The following DIPK1B variants were observed in gnomAD, a reference collection of about 807,000 sequenced individuals.
DIPK1B encodes the protein divergent protein kinase domain 1B.
DIPK1B carries 17 observed loss-of-function variants against 20.7 expected under a neutral mutation model. The observed-to-expected ratio is 0.82, with a 90% CI of 0.56 to 1.23. DIPK1B has a LOEUF of 1.23. DIPK1B is among the 50% of genes most tolerant of loss of function. DIPK1B has a pLI of 0.00. For missense variants in DIPK1B, 648 were observed against 601.8 expected (o/e 1.08, Z -0.80); for synonymous variants, 343 against 276.5 (o/e 1.24, Z -2.39).
rs957193207 is a variant in DIPK1B, at chr9:136,724,293, C to T, written c.*519C>T. On this transcript the variant is annotated 3_prime_UTR_variant, in exon 5 of 5. Coordinates refer to ENST00000371692, the MANE Select transcript of DIPK1B (RefSeq NM_152421.4). The stretch of plus-strand genomic sequence containing the variant: ...CTGAAACAGTCAATGACCAGTACCC[C>T]CCAAACCTGGGCTGTGCACAACAGA... Among the ~76,000 whole-genome samples, 1 of 152,224 alleles carries T rather than the reference C, an allele frequency of 6.6e-6. No homozygotes were observed. The highest frequency in any genetic ancestry group is 1.5e-5 in the Non-Finnish European group (1 of 68,040).
At chr9:136,722,363 C>T (rs1253943783) in intron 4 of DIPK1B, 62 bp downstream of exon 4, 14 of 1,538,228 alleles carry the variant, frequency 9.1e-6, no homozygotes, top group South Asian at 3.6e-5. Flanking sequence ...GCCCAGCAGG[C>T]GGCCCTGGCA....
intron 4 of DIPK1B, 111 bp from the exon 5 acceptor site, chr9:136,722,851 G>A: frequency 8.9e-7 from 1 of 1,118,736 alleles, no homozygotes; most frequent in South Asian, 1.6e-5. Flanking sequence ...CCTGGCAGAT[G>A]TGCTGGTCTG....
chr9:136,724,347 CAG>C lies in DIPK1B; in HGVS notation c.*575_*576del, dbSNP rs1267805109. Reference sequence around the variant, plus strand: ...AGAAAAAGGTGTTCCAGTAAGAAAACAGATATATGCGGTATTTTAAAAACTGA... The same window carrying C: ...AGAAAAAGGTGTTCCAGTAAGAAAACATATATGCGGTATTTTAAAAACTGA... On this transcript the variant is annotated 3_prime_UTR_variant, in exon 5 of 5. Transcript: ENST00000371692. 6.6e-6 allele frequency among the ~76,000 whole-genome samples: 1 copy of C among 152,188 alleles called. No individual in the cohort carries two copies. The highest frequency in any genetic ancestry group is 1.5e-5 in the Non-Finnish European group (1 of 68,048).
chr9:136,713,197 C>T (rs931949032), intron 1 of DIPK1B, among the ~76,000 whole-genome samples: 20 of 152,304 alleles, frequency 1.3e-4, no homozygotes, highest in African/African-American at 2.9e-4. Flanking sequence ...CCACCGTCCC[C>T]TCCAGGGGCC....
chr9:136,717,465 C>T, intron 1 of DIPK1B, 112 bp from the exon 2 acceptor site: 2 of 1,286,494 alleles, frequency 1.6e-6, no homozygotes, highest in Non-Finnish European at 1.1e-6. Flanking sequence ...AAGGGGATGG[C>T]AGGGGAAGGC....
Position 136,722,188 on chromosome 9 carries a change from G to A in DIPK1B, c.370G>A (p.Asp124Asn), listed in dbSNP as rs749702467. Reference sequence around the variant, plus strand: ...CAAGTGTGGCATTGAGGAGACCCTCGACTCCAAGGCCCGGTCGGATGCGGC... The same window carrying A: ...CAAGTGTGGCATTGAGGAGACCCTCAACTCCAAGGCCCGGTCGGATGCGGC... ...TIKCGIEETL[D>N]SKARSDAAPR... The change falls in exon 4 of 5, where the codon GAC becomes AAC. Residue 124 changes from aspartate (D) to asparagine (N), a missense_variant. Coordinates refer to ENST00000371692, the MANE Select transcript of DIPK1B (RefSeq NM_152421.4). The A allele has an allele frequency of 1.9e-5, 31 of 1,613,902 alleles. No individual in the cohort carries two copies. In the East Asian group the frequency reaches 2.4e-4, roughly 13 times the overall value.
intron 4 of DIPK1B, 81 bp downstream of exon 4, chr9:136,722,382 C>T (rs1846621265): frequency 3.4e-6 from 5 of 1,474,680 alleles, no homozygotes; most frequent in Non-Finnish European, 4.6e-6. Context: ...CACCAACATG[C>T]CCAGCGCAAA....
chr9:136,723,642 G>T lies in DIPK1B; in HGVS notation c.1164G>T (p.Glu388Asp). 1 of 1,569,486 alleles carries T rather than the reference G, an allele frequency of 6.4e-7. No individual in the cohort carries two copies. The highest frequency in any genetic ancestry group is 8.6e-7 in the Non-Finnish European group (1 of 1,159,804). Residue 388 changes from glutamate (E) to aspartate (D), a missense_variant, in exon 5 of 5, where the codon GAG becomes GAT. Coordinates refer to ENST00000371692, the MANE Select transcript of DIPK1B (RefSeq NM_152421.4). ...GCGCGCCCGCCGACCTCCGCGAGGA[G>T]CTGGGCACACAGCTGCGCACCTGTA... Reference protein sequence around the residue: ...LPGAPADLREELGTQLRTCTT... With the variant: ...LPGAPADLREDLGTQLRTCTT...
Position 136,724,494 on chromosome 9 carries a change from C to G in DIPK1B, c.*720C>G, listed in dbSNP as rs1846672401. Among the ~76,000 whole-genome samples the G allele has an allele frequency of 6.6e-6, 1 of 152,226 alleles. No homozygotes were observed. The highest frequency in any genetic ancestry group is 1.5e-5 in the Non-Finnish European group (1 of 68,024). On this transcript the variant is annotated 3_prime_UTR_variant, in exon 5 of 5. Coordinates refer to ENST00000371692, the MANE Select transcript of DIPK1B (RefSeq NM_152421.4). ...GCCCAGGGCACCCAGCAACCATCCC[C>G]TAGGAGAACAGGCAAGGACCCTCGT...
At chr9:136,722,426 C>G in intron 4 of DIPK1B, 125 bp downstream of exon 4, 1 of 1,100,078 alleles carries the variant, frequency 9.1e-7, no homozygotes, top group Non-Finnish European at 1.3e-6. Context: ...CCTGGGCAGA[C>G]CTCCCATCCC....
intron 2 of DIPK1B, among the ~76,000 whole-genome samples, chr9:136,719,853 G>A (rs951368010): frequency 8.6e-5 from 13 of 152,022 alleles, no homozygotes; most frequent in South Asian, 2.1e-4. Flanking sequence ...CTGGGGCTCC[G>A]GGCACAGGGG....
At chr9:136,722,099 CGGA>C (rs1564310379) in intron 3 of DIPK1B, 23 bp from the exon 4 acceptor site, 2 of 1,613,634 alleles carry the variant, frequency 1.2e-6, no homozygotes, top group East Asian at 2.2e-5. Flanking sequence ...GATGTCTGCA[CGGA>C]GGACCTCTGT....
chr9:136,721,634 G>C, intron 2 of DIPK1B: 1 of 420,448 alleles, frequency 2.4e-6, no homozygotes, highest in Non-Finnish European at 4.4e-6. Flanking sequence ...TGTGGTGTGT[G>C]TCTCATGTCC....
rs750037040 is a variant in DIPK1B, at chr9:136,722,175, TGAG to T, written c.361_363del (p.Glu121del). The stretch of plus-strand genomic sequence containing the variant: ...AGGATGTAACCATCAAGTGTGGCAT[TGAG>T]GAGACCCTCGACTCCAAGGCCCGGT... On this transcript the variant is annotated inframe_deletion, in exon 4 of 5. Coordinates refer to ENST00000371692, the MANE Select transcript of DIPK1B (RefSeq NM_152421.4). 3.9e-5 allele frequency: 63 copies of T among 1,613,838 alleles called. 1 individual carries two copies. The South Asian group carries it at 6.5e-4, about 17-fold the overall frequency.
rs1846440887 is a variant in DIPK1B at position 136,712,651 on chromosome 9, C to T, written c.-15C>T. On this transcript the variant is annotated 5_prime_UTR_variant, in exon 1 of 5. Coordinates refer to ENST00000371692, the MANE Select transcript of DIPK1B (RefSeq NM_152421.4). The surrounding 1 kb of genome is among the most constrained non-coding windows in gnomAD (Gnocchi z 5.6). ...GCGAGCCGCGGGGCCCGCGCAGCCC[C>T]GGCCGGAGCCCACCATGCGGCGGCT... The T allele has an allele frequency of 1.6e-6, 2 of 1,225,176 alleles. No individual in the cohort carries two copies. Among genetic ancestry groups the T allele is most frequent in the African/African-American group, 3.2e-5 (2 of 62,282 alleles). 75.9% of individuals were successfully genotyped at this position (1,225,176 alleles called of 1,614,324 possible). A position where few individuals can be genotyped will look rare whatever the true frequency, so the allele number is the denominator to read the frequency against.
At position 136,716,522 on chromosome 9, in the gene DIPK1B, C is replaced by T. The variant is rs371072405; in HGVS notation, c.64-1055C>T. On this transcript the variant is annotated intron_variant, in intron 1 of 4. Transcript: ENST00000371692. ...AGCTCAAGCAAGCCACCCACCTCAG[C>T]CTCCCAAAGAGCTGGGATCACAGGG... Among the ~76,000 whole-genome samples the T allele has an allele frequency of 1.3e-3, 198 of 152,220 alleles. 2 individuals are homozygous for T. Among genetic ancestry groups the T allele is most frequent in the African/African-American group, 4.6e-3 (191 of 41,530 alleles).
chr9:136,712,738 G>A lies in DIPK1B; in HGVS notation c.63+10G>A, dbSNP rs930181132. 6.0e-6 allele frequency: 8 copies of A among 1,337,926 alleles called. No individual in the cohort carries two copies. Among genetic ancestry groups the A allele is most frequent in the Middle Eastern group, 2.8e-4 (1 of 3,574 alleles). 82.9% of individuals were successfully genotyped at this position (1,337,926 alleles called of 1,614,324 possible). A position where few individuals can be genotyped will look rare whatever the true frequency, so the allele number is the denominator to read the frequency against. On this transcript the variant is annotated intron_variant, in intron 1 of 4. Transcript: ENST00000371692. This position sits in a 1 kb window ranked among gnomAD's most constrained non-coding sequence, Gnocchi z 5.6. The stretch of plus-strand genomic sequence containing the variant: ...CTCCAAGCGCCTGCAGGTAAGCGCG[G>A]TGCGCGCCCGCCGCCCCCGGCCGCC...
At chr9:136,718,004 C>CTTTGGGAGGGAGGATG (rs1052025262) in intron 2 of DIPK1B, among the ~76,000 whole-genome samples, 3 of 152,140 alleles carry the variant, frequency 2.0e-5, no homozygotes, top group South Asian at 2.1e-4. Flanking sequence ...CTCCAGAAAT[C>CTTTGGGAGGGAGGATG]TTTGGGAGGG....
Position 136,721,505 on chromosome 9 carries a change from G to A in DIPK1B, c.199-416G>A, listed in dbSNP as rs950507227. ...GTGGCAGCTGGTGGTGTAGATATTA[G>A]GGACTAGTGTGAATTCTAGTTCACC... On this transcript the variant is annotated intron_variant, in intron 2 of 4. Coordinates refer to ENST00000371692, the MANE Select transcript of DIPK1B (RefSeq NM_152421.4). The A allele has an allele frequency of 1.1e-4, 21 of 199,158 alleles. 1 individual carries two copies. The highest frequency in any genetic ancestry group is 1.0e-3 in the Admixed American group (19 of 18,414). The allele number at this position is 199,158 out of a possible 1,614,324, so 12.3% of individuals were successfully genotyped here.
Sources: allele counts gnomAD v4.1 joint callset (sites outside exome capture counted in the v4.1 genomes callset), GRCh38; gene constraint gnomAD v4.1.1; non-coding constraint Gnocchi (gnomAD v3.1); transcripts MANE v1.5; gene names NCBI Gene and HGNC (gene_info 2026-07-23, HGNC 2026-07-21).